B4GALT5: variants seen among roughly 807,000 people sequenced by gnomAD.
B4GALT5 encodes beta-1,4-galactosyltransferase 5.
Under a neutral mutation model 45.0 loss-of-function variants are expected in B4GALT5, and 11 were observed. The ratio of observed to expected loss-of-function variants is 0.24; its 90% CI spans 0.15 to 0.40. The LOEUF is 0.40. Ranked by LOEUF, B4GALT5 falls within the 10% of genes least tolerant of loss-of-function variation. The pLI, the probability that B4GALT5 is intolerant of heterozygous loss-of-function variation, is 1.00. For missense variants in B4GALT5, 337 were observed against 500.2 expected (o/e 0.67, Z 3.11); for synonymous variants, 185 against 182.9 (o/e 1.01, Z -0.09).
intron 5 of B4GALT5, among the ~76,000 whole-genome samples, chr20:49,641,502 T>C (rs909636873): frequency 6.6e-5 from 10 of 152,230 alleles, no homozygotes; most frequent in Admixed American, 5.9e-4. Flanking sequence ...AACAGCCTAA[T>C]TAGTGTTACA....
At chr20:49,646,290 CAG>C (rs1278341474) in intron 3 of B4GALT5, among the ~76,000 whole-genome samples, 2 of 152,152 alleles carry the variant, frequency 1.3e-5, no homozygotes, top group Non-Finnish European at 2.9e-5. Context: ...TACAGTAGTG[CAG>C]AGTCATGTCT....
intron 2 of B4GALT5, among the ~76,000 whole-genome samples, chr20:49,649,322 T>C (rs2085611647): frequency 2.0e-5 from 3 of 152,306 alleles, no homozygotes; most frequent in African/African-American, 7.2e-5. Context: ...CTCATGCCTA[T>C]AATCCCAGCA....
At chr20:49,683,020 G>A (rs2085770396) in intron 1 of B4GALT5, among the ~76,000 whole-genome samples, 1 of 151,920 alleles carries the variant, frequency 6.6e-6, no homozygotes, top group Non-Finnish European at 1.5e-5. Flanking sequence ...CTTGAGCCCA[G>A]GAGTTCAAGG....
intron 1 of B4GALT5, among the ~76,000 whole-genome samples, chr20:49,676,747 C>G (rs1268475320): frequency 1.3e-5 from 2 of 152,272 alleles, no homozygotes; most frequent in Non-Finnish European, 2.9e-5. Context: ...AACTGCCTCT[C>G]TGGCCCATAG....
At chr20:49,698,909 C>T (rs984109504) in intron 1 of B4GALT5, among the ~76,000 whole-genome samples, 1 of 152,172 alleles carries the variant, frequency 6.6e-6, no homozygotes, top group African/African-American at 2.4e-5. Context: ...ACCAACCACA[C>T]GGTTTTCCAA....
At chr20:49,697,408 G>C (rs974303923) in intron 1 of B4GALT5, among the ~76,000 whole-genome samples, 1 of 152,194 alleles carries the variant, frequency 6.6e-6, no homozygotes, top group East Asian at 1.9e-4. Context: ...TGGGACAATG[G>C]GAAAGCTTAA....
intron 1 of B4GALT5, among the ~76,000 whole-genome samples, chr20:49,677,587 A>C (rs2085743735): frequency 6.6e-6 from 1 of 152,270 alleles, no homozygotes; most frequent in Admixed American, 6.5e-5. Flanking sequence ...TTTTTGAAGA[A>C]TTGTCTGCAA....
chr20:49,706,772 T>C (rs1023211262), intron 1 of B4GALT5, among the ~76,000 whole-genome samples: 3 of 152,162 alleles, frequency 2.0e-5, no homozygotes, highest in Non-Finnish European at 4.4e-5. Flanking sequence ...TAACCTCCCT[T>C]TTTCTCTATT....
chr20:49,646,935 C>T (rs1313565633), intron 3 of B4GALT5, 30 bp downstream of exon 3: 2 of 1,417,816 alleles, frequency 1.4e-6, no homozygotes, highest in South Asian at 1.2e-5. Context: ...ATTTTAAAAG[C>T]AGAGGAAGAC....
chr20:49,712,652 G>A lies in B4GALT5; in HGVS notation c.115+924C>T, dbSNP rs1159663253. On this transcript the variant is annotated intron_variant, in intron 1 of 8. Coordinates refer to ENST00000371711, the MANE Select transcript of B4GALT5 (RefSeq NM_004776.4). ...TTTAAACTTCTCCTTTGTCCGCAGA[G>A]CAGGCACTATCCAATACTGAAGAAC... Among the ~76,000 whole-genome samples the A allele has an allele frequency of 3.9e-5, 6 of 152,084 alleles. No individual in the cohort carries two copies. In the East Asian group the frequency reaches 7.7e-4, roughly 20 times the overall value.
At chr20:49,700,770 G>A (rs1013423669) in intron 1 of B4GALT5, among the ~76,000 whole-genome samples, 9 of 152,352 alleles carry the variant, frequency 5.9e-5, no homozygotes, top group African/African-American at 2.2e-4. Context: ...GCAAGACAAA[G>A]GGGGACAGAG....
intron 2 of B4GALT5, among the ~76,000 whole-genome samples, chr20:49,649,491 G>T (rs2085612278): frequency 6.6e-6 from 1 of 151,936 alleles, no homozygotes; most frequent in South Asian, 2.1e-4. Flanking sequence ...GAGGCAGGAG[G>T]ATCACCTGAG....
intron 3 of B4GALT5, 62 bp downstream of exon 3, chr20:49,646,903 A>G: frequency 3.0e-6 from 3 of 1,013,948 alleles, no homozygotes; most frequent in Non-Finnish European, 2.9e-6. Flanking sequence ...CAGAGAGATC[A>G]AGAGTGCCCT....
chr20:49,663,057 C>A (rs1303106783), intron 1 of B4GALT5, among the ~76,000 whole-genome samples: 1 of 152,108 alleles, frequency 6.6e-6, no homozygotes, highest in Non-Finnish European at 1.5e-5. Context: ...CTGCATGCAC[C>A]CACGTGAATG....
chr20:49,644,577 A>AG (rs2085591446), intron 3 of B4GALT5, among the ~76,000 whole-genome samples: 1 of 152,344 alleles, frequency 6.6e-6, no homozygotes, highest in East Asian at 1.9e-4. Flanking sequence ...TACAGTAACA[A>AG]TCAATAAATG....
In B4GALT5 at chr20:49,636,283, T is replaced by C; in HGVS notation, c.*29A>G. 1.2e-6 allele frequency: 2 copies of C among 1,608,910 alleles called. No individual in the cohort carries two copies. Among genetic ancestry groups the C allele is most frequent in the Non-Finnish European group, 8.5e-7 (1 of 1,177,220 alleles). ...CATCGGACTGCTTTCTTGGTGGCGGTGGGTAAAGCAAACGTACATTCTCTC... is the reference window on the plus strand; with the variant it reads ...CATCGGACTGCTTTCTTGGTGGCGGCGGGTAAAGCAAACGTACATTCTCTC... On this transcript the variant is annotated 3_prime_UTR_variant, in exon 9 of 9. Transcript: ENST00000371711.
At chr20:49,649,921 TC>T (rs1159126824) in intron 2 of B4GALT5, among the ~76,000 whole-genome samples, 1 of 152,094 alleles carries the variant, frequency 6.6e-6, no homozygotes, top group African/African-American at 2.4e-5. Flanking sequence ...GCAATGAAAT[TC>T]CCAAAAGTAT....
At chr20:49,640,376 C>G in intron 6 of B4GALT5, 102 bp downstream of exon 6, 2 of 1,030,734 alleles carry the variant, frequency 1.9e-6, no homozygotes, top group South Asian at 3.7e-5. Flanking sequence ...ATCCATCCAT[C>G]AGTTGATGGG....
chr20:49,708,118 G>A (rs1052193809), intron 1 of B4GALT5, among the ~76,000 whole-genome samples: 5 of 151,034 alleles, frequency 3.3e-5, no homozygotes, highest in East Asian at 1.9e-4. Flanking sequence ...GGTGGCAGGC[G>A]CCTGTAATCC....
Sources: gnomAD v4.1 joint callset for allele counts (sites outside exome capture counted in the v4.1 genomes callset) on GRCh38, gnomAD v4.1.1 for gene constraint, MANE v1.5 for transcripts, NCBI Gene and HGNC (gene_info 2026-07-23, HGNC 2026-07-21) for gene names.